Variants in CHD6 observed in about 807,000 individuals in gnomAD.
CHD6 encodes the protein ATP-dependent chromatin remodeler CHD6.
Under a neutral mutation model 276.9 loss-of-function variants are expected in CHD6, and 50 were observed. The ratio of observed to expected loss-of-function variants is 0.18; its 90% CI spans 0.14 to 0.23. The LOEUF is 0.23. Ranked by LOEUF, CHD6 falls within the 10% of genes least tolerant of loss-of-function variation. CHD6 has a pLI of 1.00. For missense variants in CHD6, 2,564 were observed against 3,365.8 expected, an observed-to-expected ratio of 0.76 and a Z score of 5.89; for synonymous variants, 1,173 against 1,229.3, an observed-to-expected ratio of 0.95 and a Z score of 0.96.
At chr20:41,536,360 C>T (rs1217847426) in intron 2 of CHD6, among the ~76,000 whole-genome samples, 1 of 152,224 alleles carries the variant, frequency 6.6e-6, no homozygotes, top group African/African-American at 2.4e-5. Context: ...AAACTCGTTT[C>T]TGTGATTCAA....
At position 41,451,144 on chromosome 20, in the gene CHD6, AG is replaced by A. The variant is rs11483105; in HGVS notation, c.3524-40del. ...ACAGCATAGGGCAAGTGGATAGCCA[AG>A]GGGGGTGTTACACACGGGTTTTAGA... On this transcript the variant is annotated intron_variant, in intron 22 of 36. Coordinates refer to ENST00000373233, the MANE Select transcript of CHD6 (RefSeq NM_032221.5). 69 of 1,588,856 alleles carry A rather than the reference AG, an allele frequency of 4.3e-5. No individual in the cohort carries two copies. The Admixed American group carries it at 9.3e-4, about 21-fold the overall frequency.
chr20:41,598,222 G>T (rs2045738711), intron 1 of CHD6, among the ~76,000 whole-genome samples: 1 of 151,966 alleles, frequency 6.6e-6, no homozygotes, highest in African/African-American at 2.4e-5. Context: ...GAGGTCGCAG[G>T]GGCAGACTCT....
intron 16 of CHD6, among the ~76,000 whole-genome samples, chr20:41,481,132 T>C (rs961603462): frequency 6.6e-6 from 1 of 151,444 alleles, no homozygotes; most frequent in African/African-American, 2.4e-5. Context: ...TATATATATA[T>C]ATACACTTCA....
chr20:41,593,130 A>C (rs952243336), intron 1 of CHD6, among the ~76,000 whole-genome samples: 4 of 150,898 alleles, frequency 2.7e-5, no homozygotes, highest in African/African-American at 7.3e-5. Context: ...CAGGCATTTT[A>C]AAACAGTTCT....
intron 27 of CHD6, among the ~76,000 whole-genome samples, chr20:41,427,569 G>A (rs531167085): frequency 7.9e-5 from 12 of 152,288 alleles, no homozygotes; most frequent in South Asian, 6.2e-4. Context: ...TGATTTGAGA[G>A]CCAACACTTT....
intron 1 of CHD6, among the ~76,000 whole-genome samples, chr20:41,561,033 A>C (rs533910627): frequency 1.7e-4 from 26 of 152,288 alleles, no homozygotes; most frequent in African/African-American, 6.0e-4. Flanking sequence ...GGAGTCAGCA[A>C]GTATTTTTAT....
chr20:41,482,686 T>C, intron 16 of CHD6: 2 of 362,358 alleles, frequency 5.5e-6, no homozygotes, highest in South Asian at 2.1e-5. Flanking sequence ...GTAATACACA[T>C]GAGGTAACAA....
chr20:41,402,203 G>A lies in CHD6; in HGVS notation c.*2390C>T. 4.6e-6 allele frequency: 1 copy of A among 217,662 alleles called. No homozygotes were observed. Among genetic ancestry groups the A allele is most frequent in the East Asian group, 6.8e-5 (1 of 14,728 alleles). The allele number at this position is 217,662 out of a possible 1,614,324, so 13.5% of individuals were successfully genotyped here. A position where few individuals can be genotyped will look rare whatever the true frequency, so the allele number is the denominator to read the frequency against. On this transcript the variant is annotated 3_prime_UTR_variant, in exon 37 of 37. Transcript: ENST00000373233. ...GGCCGTGAGTGACATGGAATTAGAT[G>A]AAAAGGCTCAAGTTTGCTGAAGAGA...
intron 1 of CHD6, among the ~76,000 whole-genome samples, chr20:41,602,708 T>C (rs1259275336): frequency 1.3e-5 from 2 of 152,314 alleles, no homozygotes; most frequent in East Asian, 3.9e-4. Context: ...ATGTAAATTA[T>C]ATTTCAGTAA....
chr20:41,497,578 G>A (rs935125923), intron 7 of CHD6, 77 bp from the exon 8 acceptor site: 8 of 931,110 alleles, frequency 8.6e-6, no homozygotes, highest in African/African-American at 8.1e-5. Context: ...CAATAAACAC[G>A]GTGACCACCT....
intron 17 of CHD6, among the ~76,000 whole-genome samples, chr20:41,463,235 ATAG>A (rs2042843722): frequency 6.6e-6 from 1 of 152,228 alleles, no homozygotes; most frequent in South Asian, 2.1e-4. Context: ...ACTCTTCCTT[ATAG>A]TAGAATGCTA....
intron 1 of CHD6, among the ~76,000 whole-genome samples, chr20:41,587,839 C>A (rs1001603272): frequency 9.2e-5 from 14 of 151,546 alleles, no homozygotes; most frequent in African/African-American, 2.4e-4. Context: ...CCAAAAAAAA[C>A]CCAAAAAAAC....
At chr20:41,492,672 C>G (rs1375652789) in intron 10 of CHD6, among the ~76,000 whole-genome samples, 1 of 152,230 alleles carries the variant, frequency 6.6e-6, no homozygotes, top group East Asian at 1.9e-4. Flanking sequence ...AAAGTAATCC[C>G]AGCACTTTGG....
chr20:41,539,778 G>A (rs1285252598), intron 2 of CHD6, among the ~76,000 whole-genome samples: 2 of 152,074 alleles, frequency 1.3e-5, no homozygotes, highest in Non-Finnish European at 2.9e-5. Context: ...GTGTTTAATA[G>A]AGAAAAAAGC....
intron 2 of CHD6, among the ~76,000 whole-genome samples, chr20:41,538,327 G>A (rs2044875665): frequency 6.6e-6 from 1 of 152,042 alleles, no homozygotes; most frequent in African/African-American, 2.4e-5. Context: ...CTCCAGCCTA[G>A]GTGACAAAGT....
At chr20:41,476,796 G>C (rs1006005059) in intron 16 of CHD6, among the ~76,000 whole-genome samples, 3 of 144,660 alleles carry the variant, frequency 2.1e-5, no homozygotes, top group African/African-American at 7.7e-5. Context: ...AAAAAATAAA[G>C]AAAGAAAGAA....
chr20:41,490,608 T>A (rs950410208), intron 11 of CHD6, among the ~76,000 whole-genome samples: 5 of 151,528 alleles, frequency 3.3e-5, no homozygotes, highest in Non-Finnish European at 5.9e-5. Context: ...AGGTCAGGAG[T>A]TCGAGACGAA....
intron 16 of CHD6, among the ~76,000 whole-genome samples, chr20:41,476,790 A>G (rs1430454723): frequency 6.6e-6 from 1 of 152,120 alleles, no homozygotes. Flanking sequence ...AGTCTAAAAA[A>G]ATAAAGAAAG....
chr20:41,562,494 AT>A (rs371771565), intron 1 of CHD6, among the ~76,000 whole-genome samples: 68 of 148,148 alleles, frequency 4.6e-4, no homozygotes, highest in Admixed American at 6.7e-4. Context: ...TGAGGGTTTG[AT>A]TTTTTTTTTT....
Sources: gnomAD v4.1 joint callset for allele counts (sites outside exome capture counted in the v4.1 genomes callset) on GRCh38, gnomAD v4.1.1 for gene constraint, MANE v1.5 for transcripts, NCBI Gene and HGNC (gene_info 2026-07-23, HGNC 2026-07-21) for gene names.